Variants in GNA11 observed in about 807,000 individuals in gnomAD.
GNA11 encodes guanine nucleotide-binding protein subunit alpha-11.
GNA11 carries 8 observed loss-of-function variants against 38.2 expected under a neutral mutation model. The ratio of observed to expected loss-of-function variants is 0.21; its 90% CI spans 0.12 to 0.38. The LOEUF is 0.38. GNA11 is among the 10% of genes least tolerant of loss of function. The probability of loss-of-function intolerance (pLI) is 1.00; values close to 1 mark genes in which losing one functional copy is unlikely to be tolerated. For synonymous variants in GNA11, 211 were observed against 221.4 expected (o/e 0.95, Z 0.42); for missense variants, 268 against 516.3 (o/e 0.52, Z 4.66).
Position 3,113,180 on chromosome 19 carries a change from T to C in GNA11, c.322-150T>C, listed in dbSNP as rs145813430. 1.2e-3 allele frequency: 848 copies of C among 692,768 alleles called. 3 individuals are homozygous for C. Among genetic ancestry groups the C allele is most frequent in the Non-Finnish European group, 1.8e-3 (725 of 403,386 alleles). The allele number at this position is 692,768 out of a possible 1,614,324, so 42.9% of individuals were successfully genotyped here. ...GGCGGCCTCGCGTTTTTCTGACACG[T>C]GTTCACACGGAACTGTCAGTGGTCC... On this transcript the variant is annotated intron_variant, in intron 2 of 6. Transcript: ENST00000078429.
intron 3 of GNA11, among the ~76,000 whole-genome samples, chr19:3,114,682 G>A (rs955242958): frequency 5.9e-5 from 9 of 152,208 alleles, no homozygotes; most frequent in African/African-American, 2.2e-4. Flanking sequence ...TGGAGTCCTC[G>A]TCCTGGGACT....
At chr19:3,105,577 C>T (rs191955344) in intron 1 of GNA11, among the ~76,000 whole-genome samples, 15 of 152,220 alleles carry the variant, frequency 9.9e-5, no homozygotes, top group African/African-American at 2.9e-4. Flanking sequence ...CCAAGAGCTC[C>T]GTGGCGGAAG....
chr19:3,101,165 G>T (rs117837860), intron 1 of GNA11, among the ~76,000 whole-genome samples: 5 of 152,210 alleles, frequency 3.3e-5, no homozygotes, highest in South Asian at 2.1e-4. Context: ...GGAGTGGGGT[G>T]GGGGGCTGAA....
rs1180787897 is a variant in GNA11, at chr19:3,119,387, G to A, written c.889+28G>A. ...GCGCCGGGCTGCGGCATGGGGAGGGGCTCGCGGGCAGGGCCTTACTGGGGG... is the reference window on the plus strand; with the variant it reads ...GCGCCGGGCTGCGGCATGGGGAGGGACTCGCGGGCAGGGCCTTACTGGGGG... On this transcript the variant is annotated intron_variant, in intron 6 of 6. Coordinates refer to ENST00000078429, the MANE Select transcript of GNA11 (RefSeq NM_002067.5). This position sits in a 1 kb window ranked among gnomAD's most constrained non-coding sequence, Gnocchi z 4.6. 1.2e-6 allele frequency: 2 copies of A among 1,608,916 alleles called. No homozygotes were observed. The highest frequency in any genetic ancestry group is 2.2e-5 in the East Asian group (1 of 44,846).
Position 3,119,580 on chromosome 19 carries a change from A to C in GNA11, c.889+221A>C, listed in dbSNP as rs1244036434. ...GACGCGGGTGTCTCATACCCGTGGGAGATCTGTTAATGCAGGGACTCCTTA... is the reference window on the plus strand; with the variant it reads ...GACGCGGGTGTCTCATACCCGTGGGCGATCTGTTAATGCAGGGACTCCTTA... On this transcript the variant is annotated intron_variant, in intron 6 of 6. Coordinates refer to ENST00000078429, the MANE Select transcript of GNA11 (RefSeq NM_002067.5). The surrounding 1 kb of genome is among the most constrained non-coding windows in gnomAD (Gnocchi z 4.6). Among the ~76,000 whole-genome samples the C allele has an allele frequency of 8.0e-6, 1 of 124,934 alleles. No individual in the cohort carries two copies. The highest frequency in any genetic ancestry group is 1.6e-5 in the Non-Finnish European group (1 of 61,744). The allele number at this position is 124,934 out of a possible 152,430, so 82.0% of individuals were successfully genotyped here. A position where few individuals can be genotyped will look rare whatever the true frequency, so the allele number is the denominator to read the frequency against.
At chr19:3,099,646 C>T (rs1216671621) in intron 1 of GNA11, among the ~76,000 whole-genome samples, 1 of 152,226 alleles carries the variant, frequency 6.6e-6, no homozygotes, top group African/African-American at 2.4e-5. Flanking sequence ...GGCCACATCC[C>T]TCCCCTGCCA....
In GNA11 at chr19:3,120,304, C is replaced by T. The variant is rs1016706255; in HGVS notation, c.890-685C>T. On this transcript the variant is annotated intron_variant, in intron 6 of 6. Coordinates refer to ENST00000078429, the MANE Select transcript of GNA11 (RefSeq NM_002067.5). The surrounding 1 kb of genome is among the most constrained non-coding windows in gnomAD (Gnocchi z 5.9). ...GCACCTGCTCCAGCCGCACGTGGCC[C>T]CTGCCCAGCAGCCTGTCCTGTGGGC... is the stretch of plus-strand genomic sequence containing the variant. 3.3e-5 allele frequency among the ~76,000 whole-genome samples: 5 copies of T among 152,088 alleles called. No individual in the cohort carries two copies. The highest frequency in any genetic ancestry group is 7.4e-5 in the Non-Finnish European group (5 of 67,974).
chr19:3,110,005 G>A lies in GNA11; in HGVS notation c.137-144G>A. 1 of 612,236 alleles carries A rather than the reference G, an allele frequency of 1.6e-6. No individual in the cohort carries two copies. Among genetic ancestry groups the A allele is most frequent in the East Asian group, 2.8e-5 (1 of 35,270 alleles). 37.9% of individuals were successfully genotyped at this position (612,236 alleles called of 1,614,324 possible). A position where few individuals can be genotyped will look rare whatever the true frequency, so the allele number is the denominator to read the frequency against. On this transcript the variant is annotated intron_variant, in intron 1 of 6. Coordinates refer to ENST00000078429, the MANE Select transcript of GNA11 (RefSeq NM_002067.5). This position sits in a 1 kb window ranked among gnomAD's most constrained non-coding sequence, Gnocchi z 5.4. ...CTTTCCGAGGAGTCAGGAGGCCGTG[G>A]CGTCTGGTGGAGAGACGGTCAGCCT...
Position 3,094,838 on chromosome 19 carries a change from C to T in GNA11, c.136+51C>T, listed in dbSNP as rs775868170. The T allele has an allele frequency of 2.2e-6, 3 of 1,371,402 alleles. No homozygotes were observed. The highest frequency in any genetic ancestry group is 1.5e-5 in the South Asian group (1 of 67,062). The allele number at this position is 1,371,402 out of a possible 1,614,324, so 85.0% of individuals were successfully genotyped here. ...GCTGCGGGCCCTGCCCTGCCTGTGC[C>T]TGCCCTGCCTGTCCGGGTCGGGCCG... On this transcript the variant is annotated intron_variant, in intron 1 of 6. Coordinates refer to ENST00000078429, the MANE Select transcript of GNA11 (RefSeq NM_002067.5). The surrounding 1 kb of genome is among the most constrained non-coding windows in gnomAD (Gnocchi z 6.0).
At position 3,119,488 on chromosome 19, in the gene GNA11, T is replaced by A; in HGVS notation, c.889+129T>A. 1.3e-6 allele frequency: 1 copy of A among 743,160 alleles called. No homozygotes were observed. The highest frequency in any genetic ancestry group is 2.1e-6 in the Non-Finnish European group (1 of 465,270). The allele number at this position is 743,160 out of a possible 1,614,324, so 46.0% of individuals were successfully genotyped here. ...AGGGCGTCTGATGGGAGGTGTCATG[T>A]ATGGGAGTGGAGTCTCAGGGAAGGG... On this transcript the variant is annotated intron_variant, in intron 6 of 6. Transcript: ENST00000078429. The surrounding 1 kb of genome is among the most constrained non-coding windows in gnomAD (Gnocchi z 4.6).
rs113066025 is a variant in GNA11, at chr19:3,119,890, C to T, written c.889+531C>T. ...CCACCCTCGGACCCGTCCCTCCCTA[C>T]GTGGCCCCTGCCCCACGGGGTGTGT... On this transcript the variant is annotated intron_variant, in intron 6 of 6. Coordinates refer to ENST00000078429, the MANE Select transcript of GNA11 (RefSeq NM_002067.5). This position sits in a 1 kb window ranked among gnomAD's most constrained non-coding sequence, Gnocchi z 4.6. Among the ~76,000 whole-genome samples the T allele has an allele frequency of 1.2e-3, 177 of 152,170 alleles. No homozygotes were observed. The highest frequency in any genetic ancestry group is 4.0e-3 in the African/African-American group (165 of 41,496).
rs1914001267 is a variant in GNA11, at chr19:3,119,116, G to T, written c.735+63G>T. Reference sequence around the variant, plus strand: ...GGGCCTTCCCCACCTGCCAAGCCTGGGTCCCCTCACCTGGGTCCCCCCAGC... The same window carrying T: ...GGGCCTTCCCCACCTGCCAAGCCTGTGTCCCCTCACCTGGGTCCCCCCAGC... On this transcript the variant is annotated intron_variant, in intron 5 of 6. Transcript: ENST00000078429. The surrounding 1 kb of genome is among the most constrained non-coding windows in gnomAD (Gnocchi z 4.6). The T allele has an allele frequency of 6.2e-7, 1 of 1,605,960 alleles. No individual in the cohort carries two copies. The highest frequency in any genetic ancestry group is 1.7e-5 in the Admixed American group (1 of 59,898).
intron 1 of GNA11, among the ~76,000 whole-genome samples, chr19:3,097,873 G>A (rs1045870485): frequency 6.6e-6 from 1 of 152,196 alleles, no homozygotes; most frequent in Admixed American, 6.5e-5. Context: ...AGCAGTGTCC[G>A]AGGCCTCCAC....
rs1366754483 is a variant in GNA11, at chr19:3,120,047, G to T, written c.889+688G>T. Among the ~76,000 whole-genome samples the T allele has an allele frequency of 6.6e-6, 1 of 152,120 alleles. No homozygotes were observed. Among genetic ancestry groups the T allele is most frequent in the Non-Finnish European group, 1.5e-5 (1 of 67,982 alleles). ...GCCGTTAGTGCTGTCACCACTCAGAGCTGTCCCTGCCAGGCACAGTGAGGC... is the reference window on the plus strand; with the variant it reads ...GCCGTTAGTGCTGTCACCACTCAGATCTGTCCCTGCCAGGCACAGTGAGGC... On this transcript the variant is annotated intron_variant, in intron 6 of 6. Coordinates refer to ENST00000078429, the MANE Select transcript of GNA11 (RefSeq NM_002067.5). This position sits in a 1 kb window ranked among gnomAD's most constrained non-coding sequence, Gnocchi z 5.9.
At chr19:3,107,837 C>A (rs1179854503) in intron 1 of GNA11, among the ~76,000 whole-genome samples, 1 of 152,084 alleles carries the variant, frequency 6.6e-6, no homozygotes, top group East Asian at 1.9e-4. Flanking sequence ...CAGATTGCAT[C>A]CCCTCCATGC....
In GNA11 at chr19:3,121,180, G is replaced by C; in HGVS notation, c.*1G>C. 1 of 1,610,440 alleles carries C rather than the reference G, an allele frequency of 6.2e-7. No individual in the cohort carries two copies. Among genetic ancestry groups the C allele is most frequent in the South Asian group, 1.1e-5 (1 of 90,972 alleles). Reference sequence around the variant, plus strand: ...CCTCAAGGAGTACAACCTGGTCTGAGCGCCCAGGCCCAGGGAGACGGGATG... The same window carrying C: ...CCTCAAGGAGTACAACCTGGTCTGACCGCCCAGGCCCAGGGAGACGGGATG... On this transcript the variant is annotated 3_prime_UTR_variant, in exon 7 of 7. Transcript: ENST00000078429.
intron 1 of GNA11, among the ~76,000 whole-genome samples, chr19:3,109,702 G>A (rs754714951): frequency 4.6e-5 from 7 of 152,188 alleles, no homozygotes; most frequent in East Asian, 3.9e-4. Flanking sequence ...CAGAGATGCC[G>A]TTGGGGTGAG....
chr19:3,103,619 G>T (rs308050), intron 1 of GNA11, among the ~76,000 whole-genome samples: 53,387 of 139,946 alleles, frequency 0.38, 10,497 homozygotes, highest in Non-Finnish European at 0.46. Flanking sequence ...TCTGTCTCTT[G>T]GGTTCAAGCG....
Position 3,122,629 on chromosome 19 carries a change from G to A in GNA11, c.*1450G>A, listed in dbSNP as rs866231147. ...GAACACTACAGCGCCCTGTGGTTCC[G>A]GGCTTCGCACAGCTGTCCCAGGGAT... On this transcript the variant is annotated 3_prime_UTR_variant, in exon 7 of 7. Coordinates refer to ENST00000078429, the MANE Select transcript of GNA11 (RefSeq NM_002067.5). The surrounding 1 kb of genome is among the most constrained non-coding windows in gnomAD (Gnocchi z 7.7). 3.4e-5 allele frequency: 8 copies of A among 233,262 alleles called. No homozygotes were observed. Among genetic ancestry groups the A allele is most frequent in the South Asian group, 1.8e-4 (1 of 5,542 alleles). 14.4% of individuals were successfully genotyped at this position (233,262 alleles called of 1,614,324 possible).
Sources: allele counts gnomAD v4.1 joint callset (sites outside exome capture counted in the v4.1 genomes callset), GRCh38; gene constraint gnomAD v4.1.1; non-coding constraint Gnocchi (gnomAD v3.1); transcripts MANE v1.5; gene names NCBI Gene and HGNC (gene_info 2026-07-23, HGNC 2026-07-21).